LRMDA: variants seen among roughly 807,000 people sequenced by gnomAD.
The protein encoded by LRMDA is leucine-rich melanocyte differentiation-associated protein.
LRMDA carries 18 observed loss-of-function variants against 29.8 expected under a neutral mutation model. That is an observed-to-expected ratio of 0.60 (90% CI 0.42 to 0.90). The LOEUF (loss-of-function observed/expected upper bound fraction) is 0.90. LRMDA is among the 40% of genes least tolerant of loss of function. LRMDA has a pLI of 0.00. For missense variants in LRMDA, 273 were observed against 273.9 expected (o/e 1.00, Z 0.02); for synonymous variants, 125 against 109.4 (o/e 1.14, Z -0.89).
chr10:75,609,755 C>T (rs1841004496), intron 2 of LRMDA, among the ~76,000 whole-genome samples: 1 of 152,160 alleles, frequency 6.6e-6, no homozygotes, highest in African/African-American at 2.4e-5. Flanking sequence ...TGGAACCAGG[C>T]TGCGATATGC....
At chr10:76,263,802 G>C (rs569433459) in intron 5 of LRMDA, among the ~76,000 whole-genome samples, 2 of 152,314 alleles carry the variant, frequency 1.3e-5, no homozygotes, top group African/African-American at 4.8e-5. Flanking sequence ...AGGGATAAAA[G>C]TGTAACCCAG....
Position 76,230,797 on chromosome 10 carries a change from G to C in LRMDA, c.517-93604G>C, listed in dbSNP as rs1209992131. The stretch of plus-strand genomic sequence containing the variant: ...ATCTCCCATACATTGTAATGAATAG[G>C]TTCATAAAAGGAAAATAGTTTAATT... On this transcript the variant is annotated intron_variant, in intron 5 of 6. Transcript: ENST00000611255. Among the ~76,000 whole-genome samples the C allele has an allele frequency of 3.3e-5, 5 of 152,168 alleles. No individual in the cohort carries two copies. The South Asian group carries it at 1.0e-3, about 32-fold the overall frequency.
chr10:76,297,796 C>T (rs755824073), intron 5 of LRMDA, among the ~76,000 whole-genome samples: 19 of 152,270 alleles, frequency 1.2e-4, no homozygotes, highest in South Asian at 4.1e-4. Context: ...CCCCCTCCCC[C>T]GGTTTGTTTT....
chr10:75,731,460 T>G (rs984317059), intron 2 of LRMDA, among the ~76,000 whole-genome samples: 2 of 152,266 alleles, frequency 1.3e-5, no homozygotes, highest in Non-Finnish European at 2.9e-5. Flanking sequence ...TAGAACGTTG[T>G]CTTTCTCATC....
intron 5 of LRMDA, among the ~76,000 whole-genome samples, chr10:76,089,686 C>G (rs1356795552): frequency 6.6e-6 from 1 of 152,192 alleles, no homozygotes; most frequent in East Asian, 1.9e-4. Flanking sequence ...GTGCACCACT[C>G]TGCTCTGAGC....
intron 2 of LRMDA, among the ~76,000 whole-genome samples, chr10:75,660,489 C>T (rs1033116651): frequency 2.0e-5 from 3 of 152,118 alleles, no homozygotes; most frequent in Non-Finnish European, 4.4e-5. Context: ...CATCACAGGA[C>T]GGGGGGAGAA....
chr10:76,474,048 A>G (rs1268127773), intron 6 of LRMDA, among the ~76,000 whole-genome samples: 2 of 151,688 alleles, frequency 1.3e-5, no homozygotes, highest in Admixed American at 1.3e-4. Flanking sequence ...GAGTCCAGAA[A>G]AAAGTCATTG....
chr10:76,420,423 T>C (rs941358565), intron 6 of LRMDA, among the ~76,000 whole-genome samples: 3 of 152,004 alleles, frequency 2.0e-5, no homozygotes, highest in Non-Finnish European at 4.4e-5. Context: ...ACCTTTTCTA[T>C]TTTACTCTTG....
chr10:75,543,423 A>G (rs958356463), intron 2 of LRMDA, among the ~76,000 whole-genome samples: 1 of 152,172 alleles, frequency 6.6e-6, no homozygotes, highest in Non-Finnish European at 1.5e-5. Flanking sequence ...AGGATTTCTA[A>G]TGGTGTTTTC....
intron 5 of LRMDA, among the ~76,000 whole-genome samples, chr10:76,175,947 GC>G (rs2132200093): frequency 6.6e-6 from 1 of 152,294 alleles, no homozygotes; most frequent in African/African-American, 2.4e-5. Context: ...GCCACAGCTA[GC>G]CGCTCTGCCT....
At chr10:75,988,367 C>T (rs572193258) in intron 2 of LRMDA, among the ~76,000 whole-genome samples, 139 of 152,074 alleles carry the variant, frequency 9.1e-4, no homozygotes, top group African/African-American at 3.2e-3. Context: ...AACAGGGGAC[C>T]CAGAGACAGG....
intron 6 of LRMDA, among the ~76,000 whole-genome samples, chr10:76,340,382 G>A (rs1455698412): frequency 2.0e-5 from 3 of 151,898 alleles, no homozygotes; most frequent in Non-Finnish European, 2.9e-5. Context: ...TGGGCATGGT[G>A]ATGCATGCCT....
chr10:75,771,695 G>A (rs1843243219), intron 2 of LRMDA, among the ~76,000 whole-genome samples: 1 of 152,112 alleles, frequency 6.6e-6, no homozygotes, highest in Admixed American at 6.6e-5. Context: ...ATGGCCTTCT[G>A]TTTCTGCTTT....
intron 2 of LRMDA, among the ~76,000 whole-genome samples, chr10:75,444,928 T>TA (rs1413302053): frequency 1.3e-5 from 2 of 152,222 alleles, no homozygotes; most frequent in East Asian, 1.9e-4. Flanking sequence ...TTTACTGCGT[T>TA]ACAATGTTTT....
chr10:75,937,988 C>T (rs937297353), intron 2 of LRMDA, among the ~76,000 whole-genome samples: 15 of 152,098 alleles, frequency 9.9e-5, no homozygotes, highest in Admixed American at 3.9e-4. Flanking sequence ...CTTGACAAGT[C>T]GCATAAAACT....
chr10:76,506,869 C>T (rs1171891925), intron 6 of LRMDA, among the ~76,000 whole-genome samples: 1 of 151,896 alleles, frequency 6.6e-6, no homozygotes, highest in East Asian at 1.9e-4. Context: ...TGTTGGTGGA[C>T]ATTTAGCTTG....
At chr10:75,629,647 T>C (rs1190666978) in intron 2 of LRMDA, among the ~76,000 whole-genome samples, 2 of 152,212 alleles carry the variant, frequency 1.3e-5, no homozygotes, top group African/African-American at 2.4e-5. Flanking sequence ...CTGAAAGTTC[T>C]GATATTACAG....
chr10:75,805,849 A>G (rs1358066261), intron 2 of LRMDA, among the ~76,000 whole-genome samples: 1 of 152,078 alleles, frequency 6.6e-6, no homozygotes, highest in Non-Finnish European at 1.5e-5. Flanking sequence ...TCAGTGTTGT[A>G]TTTTTGAGGA....
Position 76,290,474 on chromosome 10 carries a change from G to A in LRMDA, c.517-33927G>A, listed in dbSNP as rs535915459. Among the ~76,000 whole-genome samples, 17 of 135,344 alleles carry A rather than the reference G, an allele frequency of 1.3e-4. No homozygotes were observed. In the East Asian group the frequency reaches 2.6e-3, roughly 21 times the overall value. 88.8% of individuals were successfully genotyped at this position (135,344 alleles called of 152,430 possible). On this transcript the variant is annotated intron_variant, in intron 5 of 6. Transcript: ENST00000611255. ...CACTCTGTTGCCCAGGCTGGCTGGC[G>A]TGCAGTGGTGCGATTTCAGCTCATT...
Sources: gnomAD v4.1 joint callset for allele counts (sites outside exome capture counted in the v4.1 genomes callset) on GRCh38, gnomAD v4.1.1 for gene constraint, MANE v1.5 for transcripts, NCBI Gene and HGNC (gene_info 2026-07-23, HGNC 2026-07-21) for gene names.